Variants in MAP1B observed in about 807,000 individuals in gnomAD.
The protein encoded by MAP1B is microtubule-associated protein 1B.
A neutral mutation model predicts 176.1 loss-of-function variants in MAP1B; 12 were observed. The observed-to-expected ratio is 0.07, with a 90% confidence interval of 0.04 to 0.11. The LOEUF (loss-of-function observed/expected upper bound fraction) is 0.11, where lower values mean the gene tolerates loss of function less well. MAP1B is among the 10% of genes least tolerant of loss of function. The probability of loss-of-function intolerance (pLI) is 1.00; values close to 1 mark genes in which losing one functional copy is unlikely to be tolerated. For missense variants in MAP1B, 2,523 were observed against 2,990.5 expected, an observed-to-expected ratio of 0.84 and a Z score of 3.65; for synonymous variants, 1,044 against 1,135.0, an observed-to-expected ratio of 0.92 and a Z score of 1.61.
At chr5:72,162,185 G>A (rs1308713024) in intron 2 of MAP1B, among the ~76,000 whole-genome samples, 2 of 152,172 alleles carry the variant, frequency 1.3e-5, no homozygotes, top group Non-Finnish European at 2.9e-5. Flanking sequence ...ATTAAGTCAT[G>A]CCACTAGCAA....
intron 2 of MAP1B, among the ~76,000 whole-genome samples, chr5:72,123,526 C>A (rs1184622209): frequency 6.6e-6 from 1 of 151,978 alleles, no homozygotes; most frequent in Non-Finnish European, 1.5e-5. Flanking sequence ...ACTCTGTCGC[C>A]CAGGCTGGAG....
At chr5:72,129,699 T>C (rs1745695091) in intron 2 of MAP1B, among the ~76,000 whole-genome samples, 1 of 152,202 alleles carries the variant, frequency 6.6e-6, no homozygotes, top group Admixed American at 6.5e-5. Context: ...CCACTTGTTT[T>C]TCTTCTCTCC....
In MAP1B at chr5:72,207,579, C is replaced by T. The variant is rs573911337; in HGVS notation, c.*2340C>T. ...TTTCTTTCAAGTCCTTGGAAAATAA[C>T]ATATTAAGGGTACAAGAAATTAACA... On this transcript the variant is annotated 3_prime_UTR_variant, in exon 7 of 7. Coordinates refer to ENST00000296755, the MANE Select transcript of MAP1B (RefSeq NM_005909.5). 3 of 152,238 alleles carry T rather than the reference C, an allele frequency of 2.0e-5. No individual in the cohort carries two copies. The highest frequency in any genetic ancestry group is 3.9e-4 in the East Asian group (2 of 5,186). 9.4% of individuals were successfully genotyped at this position (152,238 alleles called of 1,614,324 possible). A position where few individuals can be genotyped will look rare whatever the true frequency, so the allele number is the denominator to read the frequency against.
chr5:72,158,284 A>G (rs922992525), intron 2 of MAP1B, among the ~76,000 whole-genome samples: 5 of 152,058 alleles, frequency 3.3e-5, no homozygotes, highest in Non-Finnish European at 5.9e-5. Flanking sequence ...CTGGGATTAT[A>G]GGCATAAGCC....
chr5:72,111,698 A>T (rs1344215742), intron 1 of MAP1B, among the ~76,000 whole-genome samples: 1 of 152,216 alleles, frequency 6.6e-6, no homozygotes, highest in Non-Finnish European at 1.5e-5. Flanking sequence ...CAGCTCTGTG[A>T]TCCATGCTGA....
chr5:72,132,841 CAG>C (rs1293403541), intron 2 of MAP1B, among the ~76,000 whole-genome samples: 1 of 152,140 alleles, frequency 6.6e-6, no homozygotes, highest in Non-Finnish European at 1.5e-5. Flanking sequence ...CCTTGTGCTG[CAG>C]AGTCTTTTCA....
Position 72,194,722 on chromosome 5 carries a change from G to C in MAP1B, c.1367G>C (p.Gly456Ala). 1 of 1,614,192 alleles carries C rather than the reference G, an allele frequency of 6.2e-7. No individual in the cohort carries two copies. Among genetic ancestry groups the C allele is most frequent in the South Asian group, 1.1e-5 (1 of 91,076 alleles). ...AAGGCTGAATTCATTCTGCCTAATG[G>C]TCAAGAAGTAGATCTCCCGATTTCC... ...KDKAEFILPN[G>A]QEVDLPISYL... The change falls in exon 5 of 7, where the codon GGT (glycine) becomes GCT (alanine). Residue 456 changes from glycine to alanine, a missense_variant. Gly to Ala is a moderately conservative substitution (Grantham distance 60). Coordinates refer to ENST00000296755, the MANE Select transcript of MAP1B (RefSeq NM_005909.5). The surrounding 1 kb of genome is among the most constrained non-coding windows in gnomAD (Gnocchi z 7.2).
In MAP1B at chr5:72,195,039, A is replaced by G. The variant is rs1281155994; in HGVS notation, c.1684A>G (p.Lys562Glu). The change falls in exon 5 of 7, where the codon AAA becomes GAA. Residue 562 changes from lysine to glutamate, a missense_variant. Lys to Glu is a moderately conservative substitution (Grantham distance 56). Around this residue, in one of 4 missense-constraint regions of MAP1B, gnomAD observed 1,925 missense variants for 2,126.0 expected, o/e 0.91. Coordinates refer to ENST00000296755, the MANE Select transcript of MAP1B (RefSeq NM_005909.5). ...LPSKSVRKES[K>E]EETPEVTKVN... ...TAGCAAATCCGTGCGCAAGGAGTCAAAAGAAGAAACCCCTGAGGTCACAAA... is the reference window on the plus strand; with the variant it reads ...TAGCAAATCCGTGCGCAAGGAGTCAGAAGAAGAAACCCCTGAGGTCACAAA... The G allele has an allele frequency of 6.2e-7, 1 of 1,614,154 alleles. No homozygotes were observed. Among genetic ancestry groups the G allele is most frequent in the East Asian group, 2.2e-5 (1 of 44,876 alleles).
intron 2 of MAP1B, among the ~76,000 whole-genome samples, chr5:72,156,657 C>T (rs748775642): frequency 2.6e-5 from 4 of 152,186 alleles, no homozygotes; most frequent in Non-Finnish European, 5.9e-5. Flanking sequence ...CAGAGCAACC[C>T]TGAGATAAGA....
At chr5:72,166,961 T>C (rs1446629573) in intron 2 of MAP1B, among the ~76,000 whole-genome samples, 2 of 151,860 alleles carry the variant, frequency 1.3e-5, no homozygotes, top group Non-Finnish European at 2.9e-5. Flanking sequence ...CAGACATGTT[T>C]GTGAGTATAG....
chr5:72,165,642 T>C (rs72779284), intron 2 of MAP1B, among the ~76,000 whole-genome samples: 16,210 of 152,176 alleles, frequency 0.11, 965 homozygotes, highest in South Asian at 0.17. Context: ...GAGGATGGGA[T>C]GTAATGATCA....
At chr5:72,188,943 G>T (rs1251777740) in intron 4 of MAP1B, among the ~76,000 whole-genome samples, 1 of 152,172 alleles carries the variant, frequency 6.6e-6, no homozygotes, top group Non-Finnish European at 1.5e-5. Context: ...TGGACCAGTG[G>T]TTATCAGCCT....
Position 72,199,340 on chromosome 5 carries a change from G to A in MAP1B, c.5985G>A (p.Glu1995=), listed in dbSNP as rs1163231524. 3.1e-6 allele frequency: 5 copies of A among 1,614,104 alleles called. No individual in the cohort carries two copies. Among genetic ancestry groups the A allele is most frequent in the Non-Finnish European group, 4.2e-6 (5 of 1,180,016 alleles). The part of the protein sequence containing the change: ...DDISNGYDDS[E]DGGHTLGDPS... The stretch of plus-strand genomic sequence containing the variant: ...TCAGCAATGGCTATGATGACTCTGA[G>A]GATGGTGGCCACACACTTGGGGACC... Residue 1995 remains glutamate, a synonymous_variant, in exon 5 of 7, where the codon GAG becomes GAA. Coordinates refer to ENST00000296755, the MANE Select transcript of MAP1B (RefSeq NM_005909.5). This position sits in a 1 kb window ranked among gnomAD's most constrained non-coding sequence, Gnocchi z 4.2.
At chr5:72,168,666 TGGACTCATTTTA>T (rs1746479709) in intron 2 of MAP1B, among the ~76,000 whole-genome samples, 1 of 152,224 alleles carries the variant, frequency 6.6e-6, no homozygotes, top group African/African-American at 2.4e-5. Context: ...CCTCCCTCCT[TGGACTCATTTTA>T]AACTAAAATT....
intron 2 of MAP1B, among the ~76,000 whole-genome samples, chr5:72,166,558 T>A (rs1230647245): frequency 2.0e-5 from 3 of 152,182 alleles, no homozygotes; most frequent in Non-Finnish European, 4.4e-5. Context: ...GTCTTCCTGA[T>A]TCTCCCCCTG....
At chr5:72,111,277 T>C (rs1745333564) in intron 1 of MAP1B, among the ~76,000 whole-genome samples, 1 of 152,190 alleles carries the variant, frequency 6.6e-6, no homozygotes, top group African/African-American at 2.4e-5. Flanking sequence ...TTTAAGGAAC[T>C]AAAACATATA....
chr5:72,207,892 A>G lies in MAP1B; in HGVS notation c.*2653A>G, dbSNP rs926071638. The G allele has an allele frequency of 6.6e-6, 1 of 150,926 alleles. No individual in the cohort carries two copies. Among genetic ancestry groups the G allele is most frequent in the Non-Finnish European group, 1.5e-5 (1 of 67,872 alleles). The allele number at this position is 150,926 out of a possible 1,614,324, so 9.3% of individuals were successfully genotyped here. On this transcript the variant is annotated 3_prime_UTR_variant, in exon 7 of 7. Coordinates refer to ENST00000296755, the MANE Select transcript of MAP1B (RefSeq NM_005909.5). The stretch of plus-strand genomic sequence containing the variant: ...TTATTTTGCTTTAAAAACTATAAAC[A>G]TTGTAGGAGAATTATAGCCAGTCTT...
intron 2 of MAP1B, among the ~76,000 whole-genome samples, chr5:72,167,124 C>A (rs1325692931): frequency 2.0e-5 from 3 of 148,706 alleles, no homozygotes; most frequent in Admixed American, 6.8e-5. Flanking sequence ...AGAGGAGGAA[C>A]AAAGGGAAAC....
rs1448544682 is a variant in MAP1B, at chr5:72,204,030, G to T, written c.7251+229G>T. 6.6e-6 allele frequency among the ~76,000 whole-genome samples: 1 copy of T among 152,180 alleles called. No homozygotes were observed. The highest frequency in any genetic ancestry group is 1.5e-5 in the Non-Finnish European group (1 of 68,024). On this transcript the variant is annotated intron_variant, in intron 6 of 6. Transcript: ENST00000296755. This position sits in a 1 kb window ranked among gnomAD's most constrained non-coding sequence, Gnocchi z 4.4. ...CCACCAACCACGGCCTTGGAGGAAA[G>T]ACACCTTAACTAAAGCAGAAACCAT... is the stretch of plus-strand genomic sequence containing the variant.
Sources: allele counts gnomAD v4.1 joint callset (sites outside exome capture counted in the v4.1 genomes callset), GRCh38; gene constraint gnomAD v4.1.1; regional missense constraint gnomAD v4.1.1; non-coding constraint Gnocchi (gnomAD v3.1); transcripts MANE v1.5; gene names NCBI Gene and HGNC (gene_info 2026-07-23, HGNC 2026-07-21).